The following DLGAP2 variants were observed in gnomAD, a reference collection of about 807,000 sequenced individuals.
DLGAP2 encodes disks large-associated protein 2.
In DLGAP2, 26 loss-of-function variants were observed where a neutral mutation model predicts 100.3. The observed-to-expected ratio is 0.26, with a 90% confidence interval of 0.19 to 0.36. The LOEUF (loss-of-function observed/expected upper bound fraction) is 0.36. Among genes scored for constraint, DLGAP2 ranks in the 10% least tolerant of loss-of-function variants. The probability of loss-of-function intolerance (pLI) is 1.00; values close to 1 mark genes in which losing one functional copy is unlikely to be tolerated. For synonymous variants in DLGAP2, 886 were observed against 630.1 expected, an observed-to-expected ratio of 1.41 and a Z score of -6.08; for missense variants, 1,858 against 1,453.2, an observed-to-expected ratio of 1.28 and a Z score of -4.53.
intron 3 of DLGAP2, among the ~76,000 whole-genome samples, chr8:1,278,001 GTTA>G (rs1386826120): frequency 6.6e-6 from 1 of 152,194 alleles, no homozygotes; most frequent in East Asian, 1.9e-4. Context: ...TAAAAAACAA[GTTA>G]TTATTTTTAG....
rs78393016 is a variant in DLGAP2 at position 809,618 on chromosome 8, A to C, written c.18+71793A>C. On this transcript the variant is annotated intron_variant, in intron 1 of 14. Coordinates refer to ENST00000637795, the MANE Select transcript of DLGAP2 (RefSeq NM_001346810.2). ...CAGATGAAATGGCTTCTTTTTGCAC[A>C]ATTAGAATCTGTCTACCAATACGAG... Among the ~76,000 whole-genome samples the C allele has an allele frequency of 2.4e-4, 36 of 152,238 alleles. 2 individuals are homozygous for C. The East Asian group carries it at 5.4e-3, about 23-fold the overall frequency.
chr8:947,906 C>T (rs1326062266), intron 2 of DLGAP2, among the ~76,000 whole-genome samples: 3 of 149,768 alleles, frequency 2.0e-5, no homozygotes, highest in Admixed American at 6.6e-5. Context: ...ATGGCCCCAC[C>T]GAACCCGTGC....
In DLGAP2 at chr8:1,253,699, T is replaced by G. The variant is rs552676100; in HGVS notation, c.74-5152T>G. ...CGTACACAAAACCATCAGACAGATT[T>G]CTCCATCTGTGTCAATTAGCACAGA... On this transcript the variant is annotated intron_variant, in intron 2 of 14. Transcript: ENST00000637795. 2.2e-4 allele frequency among the ~76,000 whole-genome samples: 33 copies of G among 152,272 alleles called. No individual in the cohort carries two copies. The South Asian group carries it at 6.6e-3, about 31-fold the overall frequency.
At chr8:1,179,303 C>T (rs546129485) in intron 2 of DLGAP2, among the ~76,000 whole-genome samples, 3 of 152,232 alleles carry the variant, frequency 2.0e-5, no homozygotes, top group African/African-American at 7.2e-5. Context: ...CTCATTCCCC[C>T]ACCCCCCATT....
At chr8:957,358 T>G (rs1799619959) in intron 2 of DLGAP2, among the ~76,000 whole-genome samples, 1 of 152,134 alleles carries the variant, frequency 6.6e-6, no homozygotes, top group Admixed American at 6.5e-5. Context: ...GGAGTTCAGG[T>G]TAAAAGTTGT....
chr8:1,467,871 T>A (rs755403892), intron 3 of DLGAP2, among the ~76,000 whole-genome samples: 1 of 150,378 alleles, frequency 6.6e-6, no homozygotes, highest in Non-Finnish European at 1.5e-5. Flanking sequence ...AGATCCCAGA[T>A]CCCCCCTGGT....
chr8:885,029 C>T (rs1437219910), intron 1 of DLGAP2, among the ~76,000 whole-genome samples: 1 of 152,216 alleles, frequency 6.6e-6, no homozygotes, highest in Non-Finnish European at 1.5e-5. Context: ...GTTTTGGTTA[C>T]TGTAGCCTTG....
intron 2 of DLGAP2, among the ~76,000 whole-genome samples, chr8:1,119,315 T>C (rs1195471708): frequency 6.6e-6 from 1 of 152,250 alleles, no homozygotes; most frequent in Non-Finnish European, 1.5e-5. Context: ...CAAAATATTT[T>C]AGTGTCCAGC....
At chr8:1,469,282 G>C (rs1057297771) in intron 3 of DLGAP2, among the ~76,000 whole-genome samples, 34 of 152,226 alleles carry the variant, frequency 2.2e-4, no homozygotes, top group Admixed American at 1.8e-3. Flanking sequence ...CTGGCTCCCA[G>C]GACAACACCT....
intron 2 of DLGAP2, among the ~76,000 whole-genome samples, chr8:1,195,145 G>A (rs1335881052): frequency 2.6e-5 from 4 of 152,260 alleles, no homozygotes; most frequent in African/African-American, 9.6e-5. Context: ...TGGTCGCAAA[G>A]GCGTCAGAAC....
chr8:1,207,549 C>T (rs1422398448), intron 2 of DLGAP2, among the ~76,000 whole-genome samples: 1 of 152,072 alleles, frequency 6.6e-6, no homozygotes, highest in Non-Finnish European at 1.5e-5. Context: ...GGATCTTTTT[C>T]GTATAATGAG....
At chr8:1,373,192 G>C (rs970534669) in intron 3 of DLGAP2, among the ~76,000 whole-genome samples, 2 of 152,146 alleles carry the variant, frequency 1.3e-5, no homozygotes, top group Admixed American at 6.5e-5. Flanking sequence ...ATTTGCTGCC[G>C]TTTGCTTGAG....
intron 1 of DLGAP2, among the ~76,000 whole-genome samples, chr8:769,516 C>T (rs1821302306): frequency 6.6e-6 from 1 of 152,034 alleles, no homozygotes; most frequent in Non-Finnish European, 1.5e-5. Flanking sequence ...AGTGTTGCTC[C>T]TTTTTAAAAA....
At chr8:1,473,762 A>C (rs1340126624) in intron 3 of DLGAP2, among the ~76,000 whole-genome samples, 4 of 152,088 alleles carry the variant, frequency 2.6e-5, no homozygotes, top group Non-Finnish European at 1.5e-5. Context: ...TACTGTTCTC[A>C]TGGTAGTGAA....
chr8:1,262,923 G>C (rs1687288806), intron 3 of DLGAP2, among the ~76,000 whole-genome samples: 1 of 152,120 alleles, frequency 6.6e-6, no homozygotes, highest in Non-Finnish European at 1.5e-5. Flanking sequence ...CATTTTTATG[G>C]CTTGATTTGT....
At chr8:1,420,918 T>A (rs1425920614) in intron 3 of DLGAP2, among the ~76,000 whole-genome samples, 7 of 152,184 alleles carry the variant, frequency 4.6e-5, no homozygotes, top group African/African-American at 1.7e-4. Context: ...TCTTTCTTTC[T>A]TGCATTTTAA....
intron 3 of DLGAP2, among the ~76,000 whole-genome samples, chr8:1,341,993 C>A (rs181255814): frequency 6.6e-6 from 1 of 152,252 alleles, no homozygotes; most frequent in Non-Finnish European, 1.5e-5. Context: ...CTCTGTCACC[C>A]GGGCTGGAGT....
At chr8:1,266,908 G>T (rs1799462143) in intron 3 of DLGAP2, among the ~76,000 whole-genome samples, 1 of 152,118 alleles carries the variant, frequency 6.6e-6, no homozygotes, top group Admixed American at 6.5e-5. Context: ...TGCACACTCA[G>T]TGGGGAGAGG....
chr8:1,217,125 A>C (rs1467257639), intron 2 of DLGAP2, among the ~76,000 whole-genome samples: 1 of 152,094 alleles, frequency 6.6e-6, no homozygotes. Context: ...TTCACCCTCA[A>C]ATAGACCCCA....
Sources: gnomAD v4.1 joint callset for allele counts (sites outside exome capture counted in the v4.1 genomes callset) on GRCh38, gnomAD v4.1.1 for gene constraint, MANE v1.5 for transcripts, NCBI Gene and HGNC (gene_info 2026-07-23, HGNC 2026-07-21) for gene names.